SLC35F3: variants seen among roughly 807,000 people sequenced by gnomAD.
The protein encoded by SLC35F3 is solute carrier family 35 member F3.
A neutral mutation model predicts 49.9 loss-of-function variants in SLC35F3; 25 were observed. That is an observed-to-expected ratio of 0.50 (90% CI 0.37 to 0.70). The LOEUF is 0.70. Among genes scored for constraint, SLC35F3 ranks in the 30% least tolerant of loss-of-function variants. The pLI is 0.00. For synonymous variants in SLC35F3, 275 were observed against 265.4 expected (o/e 1.04, Z -0.35); for missense variants, 525 against 639.8 (o/e 0.82, Z 1.94).
chr1:234,305,780 G>A (rs79298301), intron 3 of SLC35F3, among the ~76,000 whole-genome samples: 2,809 of 152,258 alleles, frequency 0.018, 169 homozygotes, highest in East Asian at 0.17. Flanking sequence ...ATTGGTTTAT[G>A]AAATACTTAA....
At chr1:234,081,015 T>C (rs770997868) in intron 2 of SLC35F3, among the ~76,000 whole-genome samples, 8 of 152,196 alleles carry the variant, frequency 5.3e-5, no homozygotes, top group Admixed American at 6.5e-5. Flanking sequence ...TATTCAACCA[T>C]ACAGCCCCAG....
intron 2 of SLC35F3, among the ~76,000 whole-genome samples, chr1:233,976,771 C>G (rs1426194759): frequency 6.6e-6 from 1 of 152,114 alleles, no homozygotes; most frequent in Non-Finnish European, 1.5e-5. Flanking sequence ...CCACCACGCC[C>G]AGCTAATTTT....
intron 2 of SLC35F3, among the ~76,000 whole-genome samples, chr1:234,162,757 G>C (rs1666247930): frequency 6.6e-6 from 1 of 152,226 alleles, no homozygotes; most frequent in South Asian, 2.1e-4. Flanking sequence ...TTAAGACTCA[G>C]TCCAGCTTGC....
At chr1:234,196,112 G>A (rs1666806365) in intron 2 of SLC35F3, among the ~76,000 whole-genome samples, 1 of 152,128 alleles carries the variant, frequency 6.6e-6, no homozygotes, top group South Asian at 2.1e-4. Context: ...CTGAGAACTA[G>A]GGATGGGGCA....
intron 3 of SLC35F3, among the ~76,000 whole-genome samples, chr1:234,271,608 A>T (rs570739435): frequency 6.6e-6 from 1 of 152,344 alleles, no homozygotes; most frequent in South Asian, 2.1e-4. Context: ...GTTATTTATT[A>T]TGCATTGATG....
intron 2 of SLC35F3, among the ~76,000 whole-genome samples, chr1:234,136,164 C>T (rs186406201): frequency 6.6e-6 from 1 of 152,058 alleles, no homozygotes; most frequent in East Asian, 1.9e-4. Flanking sequence ...GCACCCTCCA[C>T]CCTCTTTCTT....
At chr1:233,934,101 G>A (rs932438415) in intron 2 of SLC35F3, among the ~76,000 whole-genome samples, 3 of 152,212 alleles carry the variant, frequency 2.0e-5, no homozygotes, top group Admixed American at 6.5e-5. Context: ...GCTAAGGATA[G>A]CATAGGATAT....
chr1:234,089,783 T>G (rs1253149723), intron 2 of SLC35F3, among the ~76,000 whole-genome samples: 1 of 152,004 alleles, frequency 6.6e-6, no homozygotes, highest in East Asian at 1.9e-4. Flanking sequence ...CTATAAATAT[T>G]GAGGTACCCT....
chr1:233,926,028 G>A (rs1454224206), intron 2 of SLC35F3, among the ~76,000 whole-genome samples: 2 of 152,180 alleles, frequency 1.3e-5, no homozygotes, highest in Non-Finnish European at 1.5e-5. Context: ...GCTTCCCTTT[G>A]TGGGTAACCC....
At chr1:234,291,018 G>A (rs1341919045) in intron 3 of SLC35F3, among the ~76,000 whole-genome samples, 1 of 152,150 alleles carries the variant, frequency 6.6e-6, no homozygotes, top group Non-Finnish European at 1.5e-5. Context: ...CACCGTTAAA[G>A]AATAGGCTCT....
intron 2 of SLC35F3, among the ~76,000 whole-genome samples, chr1:234,178,614 C>G (rs12728728): frequency 0.19 from 29,180 of 151,440 alleles, 3,506 homozygotes; most frequent in Non-Finnish European, 0.28. Flanking sequence ...ATTCATGAAC[C>G]CATACTGACA....
chr1:234,173,110 C>T (rs1391362982), intron 2 of SLC35F3, among the ~76,000 whole-genome samples: 1 of 152,194 alleles, frequency 6.6e-6, no homozygotes. Flanking sequence ...TAACTAAGGG[C>T]TCTGATAGCC....
chr1:234,054,796 A>G (rs1664430799), intron 2 of SLC35F3, among the ~76,000 whole-genome samples: 2 of 152,126 alleles, frequency 1.3e-5, no homozygotes, highest in African/African-American at 4.8e-5. Context: ...TTGGTCTTTA[A>G]TGATGGTGAC....
chr1:234,034,433 G>A (rs1192202772), intron 2 of SLC35F3, among the ~76,000 whole-genome samples: 1 of 152,182 alleles, frequency 6.6e-6, no homozygotes, highest in Non-Finnish European at 1.5e-5. Context: ...GTCTCAGGTG[G>A]AATACTTCCA....
At chr1:234,125,574 C>A (rs549085419) in intron 2 of SLC35F3, among the ~76,000 whole-genome samples, 1 of 152,306 alleles carries the variant, frequency 6.6e-6, no homozygotes, top group African/African-American at 2.4e-5. Flanking sequence ...CCAGACAGTC[C>A]ACACGTTCCT....
intron 3 of SLC35F3, among the ~76,000 whole-genome samples, chr1:234,300,579 A>C (rs1668677448): frequency 6.6e-6 from 1 of 152,264 alleles, no homozygotes; most frequent in South Asian, 2.1e-4. Flanking sequence ...GGACAATTAA[A>C]TAAGCTGCTA....
chr1:234,142,122 A>G (rs1354427411), intron 2 of SLC35F3, among the ~76,000 whole-genome samples: 1 of 152,226 alleles, frequency 6.6e-6, no homozygotes, highest in East Asian at 1.9e-4. Context: ...GGCAGAGTAA[A>G]GAGAGGATTA....
intron 2 of SLC35F3, among the ~76,000 whole-genome samples, chr1:234,157,962 C>T (rs1212247410): frequency 6.6e-6 from 1 of 152,148 alleles, no homozygotes; most frequent in Non-Finnish European, 1.5e-5. Flanking sequence ...CCTCTGAAAC[C>T]TTGCAGGTGT....
At position 233,960,784 on chromosome 1, in the gene SLC35F3, A is replaced by T. The variant is rs187765163; in HGVS notation, c.283+55026A>T. On this transcript the variant is annotated intron_variant, in intron 2 of 7. Coordinates refer to ENST00000366618, the MANE Select transcript of SLC35F3 (RefSeq NM_173508.4). ...TCCCCCTTGGAAGGACCAGTGAATGAGGCATGTCTGAAATGGGGTACCTAA... is the reference window on the plus strand; with the variant it reads ...TCCCCCTTGGAAGGACCAGTGAATGTGGCATGTCTGAAATGGGGTACCTAA... Among the ~76,000 whole-genome samples, 66 of 152,310 alleles carry T rather than the reference A, an allele frequency of 4.3e-4. 1 individual carries two copies. The South Asian group carries it at 4.8e-3, about 11-fold the overall frequency.
Sources: gnomAD v4.1 joint callset for allele counts (sites outside exome capture counted in the v4.1 genomes callset) on GRCh38, gnomAD v4.1.1 for gene constraint, MANE v1.5 for transcripts, NCBI Gene and HGNC (gene_info 2026-07-23, HGNC 2026-07-21) for gene names.